Variants in NEGR1 observed in about 807,000 individuals in gnomAD.
NEGR1 encodes IgLON family member 4.
Under a neutral mutation model 40.9 loss-of-function variants are expected in NEGR1, and 10 were observed. The observed-to-expected ratio is 0.24, with a 90% confidence interval of 0.15 to 0.42. The LOEUF is 0.42. Among genes scored for constraint, NEGR1 ranks in the 10% least tolerant of loss-of-function variants. The pLI is 1.00. For synonymous variants in NEGR1, 185 were observed against 166.8 expected (o/e 1.11, Z -0.84); for missense variants, 352 against 438.9 (o/e 0.80, Z 1.77).
intron 1 of NEGR1, among the ~76,000 whole-genome samples, chr1:72,168,914 C>T (rs1651864427): frequency 6.6e-6 from 1 of 151,796 alleles, no homozygotes; most frequent in African/African-American, 2.4e-5. Context: ...AGAGAGAAAA[C>T]AAACAAACAA....
intron 1 of NEGR1, among the ~76,000 whole-genome samples, chr1:71,967,481 C>A (rs1646219557): frequency 6.6e-6 from 1 of 152,042 alleles, no homozygotes; most frequent in East Asian, 1.9e-4. Flanking sequence ...AGAATATGAT[C>A]ATATGATTTT....
chr1:71,925,688 T>A lies in NEGR1; in HGVS notation c.409+9391A>T, dbSNP rs532453686. On this transcript the variant is annotated intron_variant, in intron 2 of 6. Coordinates refer to ENST00000357731, the MANE Select transcript of NEGR1 (RefSeq NM_173808.3). ...ACTAATGAAAACAGTAAATTCCTAATTGCCTTTATAGTGATATCTTAATTA... is the reference window on the plus strand; with the variant it reads ...ACTAATGAAAACAGTAAATTCCTAAATGCCTTTATAGTGATATCTTAATTA... 2.6e-5 allele frequency among the ~76,000 whole-genome samples: 4 copies of A among 152,058 alleles called. No homozygotes were observed. The South Asian group carries it at 8.3e-4, about 32-fold the overall frequency.
intron 4 of NEGR1, among the ~76,000 whole-genome samples, chr1:71,640,171 C>T (rs960233641): frequency 6.6e-6 from 1 of 152,038 alleles, no homozygotes; most frequent in Non-Finnish European, 1.5e-5. Context: ...TGTGCAGGAA[C>T]AAATTACATG....
At chr1:71,867,360 G>A (rs575318207) in intron 2 of NEGR1, among the ~76,000 whole-genome samples, 1 of 152,336 alleles carries the variant, frequency 6.6e-6, no homozygotes, top group Non-Finnish European at 1.5e-5. Context: ...GGGCGAAAGA[G>A]TGAGACTCCG....
chr1:72,202,375 C>T lies in NEGR1; in HGVS notation c.176+79944G>A, dbSNP rs116050474. Among the ~76,000 whole-genome samples, 1,175 of 151,904 alleles carry T rather than the reference C, an allele frequency of 7.7e-3. 11 individuals are homozygous for T. The highest frequency in any genetic ancestry group is 0.026 in the African/African-American group (1,082 of 41,480). On this transcript the variant is annotated intron_variant, in intron 1 of 6. Transcript: ENST00000357731. The stretch of plus-strand genomic sequence containing the variant: ...TTAAAGTAAAAGAAATGATCACATA[C>T]CTCTCACTTCAAATCAAAAGCTAGA...
chr1:71,834,238 G>T (rs767986351), intron 2 of NEGR1, among the ~76,000 whole-genome samples: 9 of 152,072 alleles, frequency 5.9e-5, no homozygotes, highest in Non-Finnish European at 1.2e-4. Flanking sequence ...TGGTATGATG[G>T]TTATTTTTAC....
chr1:72,185,943 T>C (rs1013186234), intron 1 of NEGR1, among the ~76,000 whole-genome samples: 1 of 151,862 alleles, frequency 6.6e-6, no homozygotes, highest in South Asian at 2.1e-4. Context: ...TATTTTGGCA[T>C]TGCATGTCTT....
chr1:71,988,746 A>G (rs987789335), intron 1 of NEGR1, among the ~76,000 whole-genome samples: 35 of 151,754 alleles, frequency 2.3e-4, no homozygotes, highest in Admixed American at 2.2e-3. Context: ...GTCTATTATA[A>G]AGAACCACAT....
intron 4 of NEGR1, among the ~76,000 whole-genome samples, chr1:71,660,472 A>T (rs558234480): frequency 6.6e-6 from 1 of 152,134 alleles, no homozygotes; most frequent in South Asian, 2.1e-4. Context: ...ACCCCTAAAT[A>T]TAAAATAAAA....
chr1:72,276,619 CT>C (rs1656056327), intron 1 of NEGR1, among the ~76,000 whole-genome samples: 1 of 152,066 alleles, frequency 6.6e-6, no homozygotes, highest in Non-Finnish European at 1.5e-5. Context: ...AAAGCCTCTT[CT>C]TTTTTCTTTG....
At chr1:72,006,828 C>A (rs922133259) in intron 1 of NEGR1, among the ~76,000 whole-genome samples, 63 of 152,210 alleles carry the variant, frequency 4.1e-4, no homozygotes, top group African/African-American at 1.4e-3. Flanking sequence ...CCCTTTGACC[C>A]AGAGCTGAAT....
chr1:72,107,365 G>GA (rs1003003949), intron 1 of NEGR1, among the ~76,000 whole-genome samples: 74 of 149,764 alleles, frequency 4.9e-4, no homozygotes, highest in Middle Eastern at 3.6e-3. Flanking sequence ...TGAACAACAT[G>GA]AAAAAAAAAT....
At chr1:71,524,353 T>A (rs1432891818) in intron 6 of NEGR1, among the ~76,000 whole-genome samples, 12 of 149,606 alleles carry the variant, frequency 8.0e-5, no homozygotes, top group Admixed American at 6.7e-4. Context: ...TGTGTGTGTG[T>A]GTGATATCAA....
At chr1:72,032,820 A>G (rs1414317259) in intron 1 of NEGR1, among the ~76,000 whole-genome samples, 1 of 152,152 alleles carries the variant, frequency 6.6e-6, no homozygotes, top group Admixed American at 6.5e-5. Context: ...AGTAGACTCC[A>G]GCAATTTAGT....
At chr1:71,928,445 T>A (rs1044905941) in intron 2 of NEGR1, among the ~76,000 whole-genome samples, 1 of 143,650 alleles carries the variant, frequency 7.0e-6, no homozygotes, top group Non-Finnish European at 1.5e-5. Flanking sequence ...TACACATATA[T>A]ATGTATATAT....
At chr1:71,597,472 C>CTCTCTCTCTCTCTGTGTG (rs756076229) in intron 5 of NEGR1, among the ~76,000 whole-genome samples, 6 of 31,332 alleles carry the variant, frequency 1.9e-4, no homozygotes, top group African/African-American at 6.0e-4. Flanking sequence ...CTCTCTCTCT[C>CTCTCTCTCTCTCTGTGTG]TGTGTGTGTG....
chr1:71,477,328 G>T (rs1557539762), intron 6 of NEGR1: 1 of 151,866 alleles, frequency 6.6e-6, no homozygotes, highest in East Asian at 1.9e-4. Context: ...GTTCAGCAGG[G>T]TTTTTTTTGA....
intron 2 of NEGR1, among the ~76,000 whole-genome samples, chr1:71,830,390 G>A (rs1475494442): frequency 6.6e-6 from 1 of 151,754 alleles, no homozygotes; most frequent in Non-Finnish European, 1.5e-5. Context: ...TTCTGCTATT[G>A]TTACAAAAAA....
Position 71,791,133 on chromosome 1 carries a change from T to G in NEGR1, c.410-14836A>C, listed in dbSNP as rs76247562. On this transcript the variant is annotated intron_variant, in intron 2 of 6. Coordinates refer to ENST00000357731, the MANE Select transcript of NEGR1 (RefSeq NM_173808.3). ...AACAAAACTGTATAAATAGAAAGTATGCACTGACAAACAATGTCAATATCA... is the reference window on the plus strand; with the variant it reads ...AACAAAACTGTATAAATAGAAAGTAGGCACTGACAAACAATGTCAATATCA... Among the ~76,000 whole-genome samples the G allele has an allele frequency of 3.1e-3, 475 of 152,218 alleles. 1 individual carries two copies. Among genetic ancestry groups the G allele is most frequent in the African/African-American group, 0.011 (450 of 41,566 alleles).
Sources: gnomAD v4.1 joint callset for allele counts (sites outside exome capture counted in the v4.1 genomes callset) on GRCh38, gnomAD v4.1.1 for gene constraint, MANE v1.5 for transcripts, NCBI Gene and HGNC (gene_info 2026-07-23, HGNC 2026-07-21) for gene names.